ALKAL2: variants seen among roughly 807,000 people sequenced by gnomAD.
ALKAL2 encodes the protein ALK and LTK ligand 2, also known as AUG-alpha.
In ALKAL2, 8 loss-of-function variants were observed where a neutral mutation model predicts 18.5. The ratio of observed to expected loss-of-function variants is 0.43; its 90% CI spans 0.25 to 0.78. The LOEUF is 0.78. ALKAL2 is among the 30% of genes least tolerant of loss of function. The probability of loss-of-function intolerance (pLI) is 0.22; values close to 1 mark genes in which losing one functional copy is unlikely to be tolerated. For synonymous variants in ALKAL2, 135 were observed against 95.8 expected (o/e 1.41, Z -2.39); for missense variants, 241 against 211.2 (o/e 1.14, Z -0.88).
At chr2:287,190 C>T (rs1670541928) in intron 2 of ALKAL2, 1 of 170,848 alleles carries the variant, frequency 5.9e-6, no homozygotes, top group Non-Finnish European at 1.2e-5. Context: ...GATTGTGTCA[C>T]AAAAGCATTA....
chr2:283,228 C>T (rs1000823470), intron 4 of ALKAL2, 53 bp from the exon 5 acceptor site: 22 of 1,452,670 alleles, frequency 1.5e-5, no homozygotes, highest in African/African-American at 2.8e-5. Context: ...ACAAATAAAT[C>T]GCATTTTTTT....
rs1670590054 is a variant in ALKAL2 at position 288,023 on chromosome 2, C to G, written c.-68G>C. On this transcript the variant is annotated 5_prime_UTR_variant, in exon 1 of 6. Transcript: ENST00000403610. ...GACCCGGCCCCTCACCTCCGCGGAC[C>G]CCGAGGAACAAGCCGGCAGGTGAGG... 1 of 1,223,512 alleles carries G rather than the reference C, an allele frequency of 8.2e-7. No individual in the cohort carries two copies. The highest frequency in any genetic ancestry group is 3.9e-5 in the South Asian group (1 of 25,678). 75.8% of individuals were successfully genotyped at this position (1,223,512 alleles called of 1,614,324 possible).
At chr2:285,020 C>T (rs1014786259) in intron 4 of ALKAL2, among the ~76,000 whole-genome samples, 10 of 152,124 alleles carry the variant, frequency 6.6e-5, no homozygotes, top group African/African-American at 2.4e-4. Flanking sequence ...GAAGTGTGTG[C>T]TGCTGGCCTT....
At chr2:284,219 C>T (rs1670435562) in intron 4 of ALKAL2, among the ~76,000 whole-genome samples, 1 of 152,192 alleles carries the variant, frequency 6.6e-6, no homozygotes. Flanking sequence ...AGGGTCCCAG[C>T]TGACCACATC....
intron 2 of ALKAL2, chr2:286,879 AGG>A (rs1411289559): frequency 6.6e-6 from 1 of 152,454 alleles, no homozygotes; most frequent in Admixed American, 6.5e-5. Flanking sequence ...CCTGGTTTGT[AGG>A]GTAAGAATCC....
rs1427432455 is a variant in ALKAL2, at chr2:287,662, GC to G, written c.173del (p.Gly58AlafsTer34). ...LRKHHSAEHK[G>X]LQLLGRDCAL... ...CGCAGTCCCGCCCGAGGAGCTGCAG[GC>G]CCTTGTGCTCCGCCGAGTGGTGCTT... On this transcript the variant is annotated frameshift_variant, in exon 2 of 6. Coordinates refer to ENST00000403610, the MANE Select transcript of ALKAL2 (RefSeq NM_001002919.3). LOFTEE classifies it high-confidence loss of function. 6.7e-7 allele frequency: 1 copy of G among 1,483,726 alleles called. No homozygotes were observed. The highest frequency in any genetic ancestry group is 8.9e-7 in the Non-Finnish European group (1 of 1,123,438). 91.9% of individuals were successfully genotyped at this position (1,483,726 alleles called of 1,614,324 possible).
chr2:283,535 A>G (rs927568946), intron 4 of ALKAL2: 2 of 985,424 alleles, frequency 2.0e-6, no homozygotes. Flanking sequence ...CTTTCAGGTC[A>G]TGTGCAGGCT....
chr2:281,162 T>G (rs1157359615), intron 5 of ALKAL2, among the ~76,000 whole-genome samples: 2 of 152,252 alleles, frequency 1.3e-5, no homozygotes, highest in Non-Finnish European at 2.9e-5. Flanking sequence ...GTTTAACAAT[T>G]TGTTAACACC....
intron 2 of ALKAL2, 34 bp from the exon 3 acceptor site, chr2:286,377 G>A: frequency 2.6e-6 from 4 of 1,510,064 alleles, no homozygotes; most frequent in Non-Finnish European, 3.6e-6. Context: ...TATATTACCT[G>A]AAGGACGCAT....
Position 287,823 on chromosome 2 carries a change from C to T in ALKAL2, c.13G>A (p.Gly5Arg). The T allele has an allele frequency of 9.1e-6, 12 of 1,321,530 alleles. No individual in the cohort carries two copies. Among genetic ancestry groups the T allele is most frequent in the African/African-American group, 1.5e-5 (1 of 64,766 alleles). 81.9% of individuals were successfully genotyped at this position (1,321,530 alleles called of 1,614,324 possible). A position where few individuals can be genotyped will look rare whatever the true frequency, so the allele number is the denominator to read the frequency against. MRGP[G>R]HPLLLGLLLV... is the part of the protein sequence containing the mutation. ...AGCAGCCCCAGGAGGAGGGGGTGCC[C>T]GGGTCCGCGCATCGTGCGCTCGGGG... Residue 5 changes from glycine (G) to arginine (R), a missense_variant, in exon 2 of 6, where the codon GGG (glycine) becomes AGG (arginine). Coordinates refer to ENST00000403610, the MANE Select transcript of ALKAL2 (RefSeq NM_001002919.3).
chr2:283,080 T>G, intron 5 of ALKAL2, 31 bp downstream of exon 5: 3 of 1,585,002 alleles, frequency 1.9e-6, no homozygotes, highest in Non-Finnish European at 2.6e-6. Context: ...ATCTTTGGTA[T>G]GTGCTCCAGT....
At chr2:286,000 T>C (rs1670495910) in intron 4 of ALKAL2, 123 bp downstream of exon 4, 7 of 765,480 alleles carry the variant, frequency 9.1e-6, no homozygotes, top group Non-Finnish European at 4.3e-6. Flanking sequence ...CCTAACTCCA[T>C]AGTGAGGAAG....
rs894130445 is a variant in ALKAL2, at chr2:280,083, GT to G, written c.*63del. ...AGGGGATGTGTATAAAGATAGTTCT[GT>G]TTCCCTGTTGGTTTCCAAGGCACTT... On this transcript the variant is annotated 3_prime_UTR_variant, in exon 6 of 6. Coordinates refer to ENST00000403610, the MANE Select transcript of ALKAL2 (RefSeq NM_001002919.3). 9.4e-6 allele frequency: 15 copies of G among 1,594,006 alleles called. No homozygotes were observed. In the African/African-American group the frequency reaches 2.0e-4, roughly 21 times the overall value.
intron 4 of ALKAL2, among the ~76,000 whole-genome samples, chr2:285,225 T>G (rs1480060884): frequency 2.0e-5 from 3 of 152,242 alleles, no homozygotes; most frequent in Non-Finnish European, 4.4e-5. Flanking sequence ...AAATGATGGT[T>G]ATTATTATTT....
Position 287,595 on chromosome 2 carries a change from C to T in ALKAL2, c.241G>A (p.Glu81Lys). 1 of 1,463,080 alleles carries T rather than the reference C, an allele frequency of 6.8e-7. No homozygotes were observed. The highest frequency in any genetic ancestry group is 1.3e-5 in the South Asian group (1 of 75,302). The allele number at this position is 1,463,080 out of a possible 1,614,324, so 90.6% of individuals were successfully genotyped here. A position where few individuals can be genotyped will look rare whatever the true frequency, so the allele number is the denominator to read the frequency against. Residue 81 changes from glutamate (E) to lysine (K), a missense_variant, in exon 2 of 6, where the codon GAG becomes AAG. Transcript: ENST00000403610. ...AEAAGLGPSP[E>K]QRVEIVPRDL... The stretch of plus-strand genomic sequence containing the variant: ...CGGCCCCACTCACCCACTCGCTGCT[C>T]CGGCGAAGGCCCCAGCCCCGCCGCC...
chr2:282,686 C>T (rs1413180340), intron 5 of ALKAL2, among the ~76,000 whole-genome samples: 2 of 152,048 alleles, frequency 1.3e-5, no homozygotes, highest in Non-Finnish European at 2.9e-5. Context: ...TCTTTATGAG[C>T]TTATGACTAC....
chr2:287,392 A>C, intron 2 of ALKAL2, 191 bp downstream of exon 2: 1 of 437,906 alleles, frequency 2.3e-6, no homozygotes, highest in Admixed American at 4.5e-5. Context: ...GAAGGAGACC[A>C]GGCGCTTCTC....
Position 287,594 on chromosome 2 carries a change from T to G in ALKAL2, c.242A>C (p.Glu81Ala). ...AEAAGLGPSP[E>A]QRVEIVPRDL... is the part of the protein sequence containing the mutation. ...TCGGCCCCACTCACCCACTCGCTGC[T>G]CCGGCGAAGGCCCCAGCCCCGCCGC... The change falls in exon 2 of 6, where the codon GAG (glutamate) becomes GCG (alanine). Residue 81 changes from glutamate (E) to alanine (A), a missense_variant. Transcript: ENST00000403610. The G allele has an allele frequency of 6.2e-6, 9 of 1,462,368 alleles. No homozygotes were observed. Among genetic ancestry groups the G allele is most frequent in the Non-Finnish European group, 8.1e-6 (9 of 1,113,330 alleles). 90.6% of individuals were successfully genotyped at this position (1,462,368 alleles called of 1,614,324 possible).
Position 279,996 on chromosome 2 carries a change from A to G in ALKAL2, c.*151T>C. The G allele has an allele frequency of 7.4e-6, 6 of 811,298 alleles. No individual in the cohort carries two copies. The highest frequency in any genetic ancestry group is 1.3e-5 in the Non-Finnish European group (6 of 466,890). 50.3% of individuals were successfully genotyped at this position (811,298 alleles called of 1,614,324 possible). A position where few individuals can be genotyped will look rare whatever the true frequency, so the allele number is the denominator to read the frequency against. The stretch of plus-strand genomic sequence containing the variant: ...AATATATATCTGCAAACTGTCAACA[A>G]CATACAAAACTCAAAGGACTTATGG... On this transcript the variant is annotated 3_prime_UTR_variant, in exon 6 of 6. Transcript: ENST00000403610.
Sources: gnomAD v4.1 joint callset for allele counts (sites outside exome capture counted in the v4.1 genomes callset) on GRCh38, gnomAD v4.1.1 for gene constraint, MANE v1.5 for transcripts, NCBI Gene and HGNC (gene_info 2026-07-23, HGNC 2026-07-21) for gene names.